The following WNT7B variants were observed in gnomAD, a reference collection of about 807,000 sequenced individuals.
WNT7B encodes the protein protein Wnt-7b.
A neutral mutation model predicts 38.2 loss-of-function variants in WNT7B; 19 were observed. The ratio of observed to expected loss-of-function variants is 0.50; its 90% CI spans 0.35 to 0.73. The LOEUF is 0.73. Ranked by LOEUF, WNT7B falls within the 30% of genes least tolerant of loss-of-function variation. The pLI is 0.01. For missense variants in WNT7B, 423 were observed against 507.9 expected (o/e 0.83, Z 1.61); for synonymous variants, 243 against 209.3 (o/e 1.16, Z -1.39).
At chr22:45,972,483 G>A (rs1486500319) in intron 1 of WNT7B, 2 of 188,012 alleles carry the variant, frequency 1.1e-5, no homozygotes, top group Non-Finnish European at 2.2e-5. Context: ...GCCGGGGGCA[G>A]CGGGCGCGCC....
At chr22:45,943,326 C>T (rs538971975) in intron 2 of WNT7B, among the ~76,000 whole-genome samples, 1 of 152,392 alleles carries the variant, frequency 6.6e-6, no homozygotes, top group South Asian at 2.1e-4. Context: ...AAAGTCATGC[C>T]AGGTCCAAAC....
intron 2 of WNT7B, among the ~76,000 whole-genome samples, chr22:45,940,984 G>T (rs28542258): frequency 6.6e-6 from 1 of 152,246 alleles, no homozygotes; most frequent in African/African-American, 2.4e-5. Context: ...GTTGCCCTCA[G>T]AGAAGACCTT....
intron 1 of WNT7B, among the ~76,000 whole-genome samples, chr22:45,970,246 C>G (rs879836330): frequency 6.6e-6 from 1 of 152,176 alleles, no homozygotes; most frequent in Middle Eastern, 3.2e-3. Context: ...TTCCTGTCCC[C>G]GACGACCCAG....
At chr22:45,938,672 G>A (rs753288668) in intron 2 of WNT7B, among the ~76,000 whole-genome samples, 1 of 152,018 alleles carries the variant, frequency 6.6e-6, no homozygotes, top group African/African-American at 2.4e-5. Context: ...ACACACAGGT[G>A]GAAGGAGTGA....
At chr22:45,943,910 G>A (rs1307868082) in intron 2 of WNT7B, among the ~76,000 whole-genome samples, 1 of 152,136 alleles carries the variant, frequency 6.6e-6, no homozygotes, top group Non-Finnish European at 1.5e-5. Flanking sequence ...ACCCACCCCG[G>A]GGTCTGTGTC....
At chr22:45,928,347 C>T (rs899466064) in intron 3 of WNT7B, among the ~76,000 whole-genome samples, 38 of 152,326 alleles carry the variant, frequency 2.5e-4, no homozygotes, top group African/African-American at 9.1e-4. Flanking sequence ...GATGCCACCA[C>T]CCTCGGCCTT....
At chr22:45,958,093 C>G (rs1381868086) in intron 1 of WNT7B, among the ~76,000 whole-genome samples, 1 of 152,182 alleles carries the variant, frequency 6.6e-6, no homozygotes, top group African/African-American at 2.4e-5. Flanking sequence ...CAGCCTGGCA[C>G]TCAGGCGGTG....
chr22:45,945,542 T>C (rs1931774369), intron 2 of WNT7B, among the ~76,000 whole-genome samples: 1 of 152,250 alleles, frequency 6.6e-6, no homozygotes, highest in Admixed American at 6.5e-5. Context: ...CACATGTCGG[T>C]TGGTCCACAC....
Position 45,949,945 on chromosome 22 carries a change from G to A in WNT7B, c.273C>T (p.Thr91=), listed in dbSNP as rs59033960. Residue 91 remains threonine, a synonymous_variant, in exon 2 of 4, where the codon ACC becomes ACT. Coordinates refer to ENST00000339464, the MANE Select transcript of WNT7B (RefSeq NM_058238.3). ...RWNCSALGEK[T]VFGQELRVGS... ...CTACTCGGAGCTCTTGCCCGAAGAC[G>A]GTCTTCTCGCCGAGGGCAGAGCAGT... is the stretch of plus-strand genomic sequence containing the variant. 9,937 of 1,610,476 alleles carry A rather than the reference G, an allele frequency of 6.2e-3. 515 individuals carry two copies. The African/African-American group carries it at 0.11, about 19-fold the overall frequency.
intron 2 of WNT7B, among the ~76,000 whole-genome samples, chr22:45,936,701 C>T (rs1377681883): frequency 1.3e-5 from 2 of 152,246 alleles, no homozygotes; most frequent in South Asian, 2.1e-4. Flanking sequence ...CCCTGATGTC[C>T]AGGGAAGGGG....
At chr22:45,926,904 C>G (rs1356104153) in intron 3 of WNT7B, 1 of 985,324 alleles carries the variant, frequency 1.0e-6, no homozygotes, top group East Asian at 1.1e-4. Context: ...ATGCGCCCAC[C>G]CAGCAGGACG....
chr22:45,958,566 CG>C (rs1369411807), intron 1 of WNT7B, among the ~76,000 whole-genome samples: 2 of 152,154 alleles, frequency 1.3e-5, no homozygotes, highest in South Asian at 2.1e-4. Flanking sequence ...TTTCAAAGCT[CG>C]GGGGGCCAAG....
At chr22:45,931,415 C>G in intron 2 of WNT7B, 46 bp from the exon 3 acceptor site, 1 of 1,529,610 alleles carries the variant, frequency 6.5e-7, no homozygotes, top group South Asian at 1.2e-5. Context: ...AGGCCCTGGG[C>G]CAGGTGGGCT....
At chr22:45,929,685 C>CTTCCATCAACCCATCCCATT (rs1931246872) in intron 3 of WNT7B, among the ~76,000 whole-genome samples, 1 of 111,830 alleles carries the variant, frequency 8.9e-6, no homozygotes, top group Non-Finnish European at 1.9e-5. Context: ...TCCCTCCATA[C>CTTCCATCAACCCATCCCATT]TTCCATCCAC....
At chr22:45,928,174 C>T (rs1418719533) in intron 3 of WNT7B, among the ~76,000 whole-genome samples, 3 of 152,190 alleles carry the variant, frequency 2.0e-5, no homozygotes, top group South Asian at 2.1e-4. Context: ...AGCTGCTTTC[C>T]ACCCACCTCA....
chr22:45,941,963 G>A (rs1931660459), intron 2 of WNT7B, among the ~76,000 whole-genome samples: 1 of 152,170 alleles, frequency 6.6e-6, no homozygotes. Flanking sequence ...AGGGTGGGGT[G>A]GGGTCCCTGA....
In WNT7B at chr22:45,949,948, C is replaced by G; in HGVS notation, c.270G>C (p.Lys90Asn). Residue 90 changes from lysine (K) to asparagine (N), a missense_variant, in exon 2 of 4, where the codon AAG becomes AAC. Around this residue, in one of 3 missense-constraint regions of WNT7B, gnomAD observed 133 missense variants for 179.8 expected, o/e 0.74. Transcript: ENST00000339464. ...GRWNCSALGE[K>N]TVFGQELRVG... ...CTCGGAGCTCTTGCCCGAAGACGGT[C>G]TTCTCGCCGAGGGCAGAGCAGTTCC... 1 of 1,611,048 alleles carries G rather than the reference C, an allele frequency of 6.2e-7. No individual in the cohort carries two copies.
chr22:45,958,070 C>G (rs1932113513), intron 1 of WNT7B, among the ~76,000 whole-genome samples: 1 of 152,270 alleles, frequency 6.6e-6, no homozygotes, highest in Admixed American at 6.5e-5. Flanking sequence ...TGGCCTCCTG[C>G]TCTGCCCGTG....
intron 2 of WNT7B, among the ~76,000 whole-genome samples, chr22:45,943,328 G>A (rs890890967): frequency 6.6e-6 from 1 of 152,256 alleles, no homozygotes; most frequent in Non-Finnish European, 1.5e-5. Flanking sequence ...AGTCATGCCA[G>A]GTCCAAACAC....
Sources: gnomAD v4.1 joint callset for allele counts (sites outside exome capture counted in the v4.1 genomes callset) on GRCh38, gnomAD v4.1.1 for gene constraint, gnomAD v4.1.1 regional missense constraint, MANE v1.5 for transcripts, NCBI Gene and HGNC (gene_info 2026-07-23, HGNC 2026-07-21) for gene names.